PID1: variants seen among roughly 807,000 people sequenced by gnomAD.
PID1 encodes the protein PTB-containing, cubilin and LRP1-interacting protein.
Under a neutral mutation model 19.1 loss-of-function variants are expected in PID1, and 10 were observed. That is an observed-to-expected ratio of 0.52 (90% CI 0.32 to 0.89). PID1 has a LOEUF of 0.89. PID1 is among the 40% of genes least tolerant of loss of function. The pLI is 0.03. For synonymous variants in PID1, 130 were observed against 116.0 expected (o/e 1.12, Z -0.78); for missense variants, 248 against 285.3 (o/e 0.87, Z 0.94).
At chr2:229,256,636 G>A (rs535392884) in intron 1 of PID1, among the ~76,000 whole-genome samples, 1 of 152,268 alleles carries the variant, frequency 6.6e-6, no homozygotes, top group African/African-American at 2.4e-5. Flanking sequence ...CAAGACTTAT[G>A]AGCAACACAC....
intron 1 of PID1, among the ~76,000 whole-genome samples, chr2:229,216,277 G>A (rs552112648): frequency 6.6e-6 from 1 of 152,340 alleles, no homozygotes; most frequent in Non-Finnish European, 1.5e-5. Context: ...TGCATCTACA[G>A]CTGTGGAGGA....
chr2:229,257,925 T>C (rs1289052307), intron 1 of PID1, among the ~76,000 whole-genome samples: 1 of 152,200 alleles, frequency 6.6e-6, no homozygotes, highest in South Asian at 2.1e-4. Context: ...CAAACTAGAA[T>C]CAAGACCCAC....
chr2:229,186,551 A>G (rs1447369072), intron 1 of PID1, among the ~76,000 whole-genome samples: 7 of 152,194 alleles, frequency 4.6e-5, no homozygotes, highest in Admixed American at 4.6e-4. Flanking sequence ...CCCAAGCTCT[A>G]TGTTGGCCCC....
chr2:229,204,029 A>C (rs1413832198), intron 1 of PID1, among the ~76,000 whole-genome samples: 1 of 152,082 alleles, frequency 6.6e-6, no homozygotes, highest in Non-Finnish European at 1.5e-5. Context: ...TACAGTATTA[A>C]AATGAAATTT....
At chr2:229,265,209 C>A (rs545339884) in intron 1 of PID1, among the ~76,000 whole-genome samples, 4 of 152,256 alleles carry the variant, frequency 2.6e-5, no homozygotes, top group African/African-American at 4.8e-5. Context: ...TTACTGGAGC[C>A]TCCCTTATCA....
intron 1 of PID1, among the ~76,000 whole-genome samples, chr2:229,215,163 G>C (rs1034682539): frequency 6.6e-6 from 1 of 152,188 alleles, no homozygotes; most frequent in Non-Finnish European, 1.5e-5. Context: ...TGCCTGATAC[G>C]ATAGTTGGGT....
chr2:229,197,860 T>A (rs1241955091), intron 1 of PID1, among the ~76,000 whole-genome samples: 1 of 152,086 alleles, frequency 6.6e-6, no homozygotes, highest in Non-Finnish European at 1.5e-5. Context: ...TTTATGACTA[T>A]GTTACAACCA....
chr2:229,082,360 T>A (rs1317463446), intron 2 of PID1, among the ~76,000 whole-genome samples: 1 of 152,252 alleles, frequency 6.6e-6, no homozygotes, highest in East Asian at 1.9e-4. Flanking sequence ...AATTCTAAGG[T>A]GGACTCACTG....
intron 2 of PID1, among the ~76,000 whole-genome samples, chr2:229,038,826 T>C (rs1693712980): frequency 6.6e-6 from 1 of 152,182 alleles, no homozygotes; most frequent in South Asian, 2.1e-4. Context: ...AGTCTAATCT[T>C]ATTGTCAACT....
intron 2 of PID1, among the ~76,000 whole-genome samples, chr2:229,105,030 G>A (rs1239147337): frequency 6.6e-6 from 1 of 152,186 alleles, no homozygotes; most frequent in Non-Finnish European, 1.5e-5. Context: ...AATTTGTGGT[G>A]CGTCAGTTAA....
chr2:229,038,701 T>G (rs535347354), intron 2 of PID1, among the ~76,000 whole-genome samples: 11 of 152,308 alleles, frequency 7.2e-5, no homozygotes, highest in Non-Finnish European at 1.2e-4. Flanking sequence ...TATATATTTT[T>G]CTTGCAGAGA....
intron 2 of PID1, among the ~76,000 whole-genome samples, chr2:229,046,379 T>TGTGCGC (rs1352720954): frequency 1.5e-4 from 21 of 144,272 alleles, no homozygotes; most frequent in African/African-American, 5.2e-4. Context: ...TGTGTGTGTG[T>TGTGCGC]GCGTGTGTGT....
intron 1 of PID1, among the ~76,000 whole-genome samples, chr2:229,205,130 T>C (rs551569037): frequency 1.6e-4 from 25 of 152,222 alleles, no homozygotes; most frequent in Admixed American, 1.2e-3. Flanking sequence ...AACATAAATG[T>C]TTAAAAAGTA....
At chr2:229,179,129 C>T (rs886761111) in intron 1 of PID1, among the ~76,000 whole-genome samples, 8 of 152,258 alleles carry the variant, frequency 5.3e-5, no homozygotes, top group African/African-American at 1.9e-4. Flanking sequence ...AAATCTTACC[C>T]CTCATGATCT....
intron 2 of PID1, among the ~76,000 whole-genome samples, chr2:229,064,419 G>A (rs1007809027): frequency 6.6e-6 from 1 of 152,096 alleles, no homozygotes; most frequent in Non-Finnish European, 1.5e-5. Context: ...GATGAATTAA[G>A]TTTTGGATGA....
chr2:229,032,031 T>A (rs1693565012), intron 2 of PID1, among the ~76,000 whole-genome samples: 2 of 152,230 alleles, frequency 1.3e-5, no homozygotes, highest in Non-Finnish European at 2.9e-5. Flanking sequence ...CAAGGGAAAT[T>A]GAGTAAAAAC....
chr2:229,263,792 T>A (rs566874462), intron 1 of PID1, among the ~76,000 whole-genome samples: 1 of 152,296 alleles, frequency 6.6e-6, no homozygotes, highest in East Asian at 1.9e-4. Flanking sequence ...AGAGGCACAG[T>A]GCTTAGGAGT....
intron 1 of PID1, chr2:229,232,120 C>A: frequency 6.8e-7 from 1 of 1,469,690 alleles, no homozygotes; most frequent in Non-Finnish European, 9.0e-7. Flanking sequence ...GATGACTTAA[C>A]CACCTCTTAA....
chr2:229,218,096 G>A (rs1295977316), intron 1 of PID1, among the ~76,000 whole-genome samples: 2 of 151,878 alleles, frequency 1.3e-5, no homozygotes, highest in Non-Finnish European at 2.9e-5. Context: ...TTCATTAACC[G>A]GTTATTATTT....
Sources: allele counts gnomAD v4.1 joint callset (sites outside exome capture counted in the v4.1 genomes callset), GRCh38; gene constraint gnomAD v4.1.1; transcripts MANE v1.5; gene names NCBI Gene and HGNC (gene_info 2026-07-23, HGNC 2026-07-21).